The following HOPX variants were observed in gnomAD, a reference collection of about 807,000 sequenced individuals.
HOPX encodes homeodomain-only protein.
A neutral mutation model predicts 11.8 loss-of-function variants in HOPX; 5 were observed. That is an observed-to-expected ratio of 0.43 (90% confidence interval 0.22 to 0.89). HOPX has a LOEUF of 0.89. HOPX is among the 40% of genes least tolerant of loss of function. HOPX has a pLI of 0.28. For synonymous variants in HOPX, 49 were observed against 49.7 expected (o/e 0.99, Z 0.06); for missense variants, 119 against 120.0 (o/e 0.99, Z 0.04).
chr4:56,651,032 T>C (rs1717121621), intron 3 of HOPX: 1 of 430,480 alleles, frequency 2.3e-6, no homozygotes, highest in East Asian at 4.0e-5. Flanking sequence ...TTACTACAGC[T>C]GAAGAAATGG....
intron 3 of HOPX, chr4:56,650,915 G>C (rs931308602): frequency 6.9e-5 from 79 of 1,148,608 alleles, no homozygotes; most frequent in Non-Finnish European, 8.5e-5. Flanking sequence ...CGTGTGTTTA[G>C]TTAACTCTGG....
intron 1 of HOPX, among the ~76,000 whole-genome samples, chr4:56,658,152 TTG>T (rs1286384241): frequency 1.3e-5 from 2 of 152,244 alleles, no homozygotes; most frequent in Non-Finnish European, 2.9e-5. Flanking sequence ...CATGAAAATT[TTG>T]TCTTTTTCTT....
chr4:56,661,864 C>A (rs1457824929), intron 1 of HOPX, among the ~76,000 whole-genome samples: 1 of 152,096 alleles, frequency 6.6e-6, no homozygotes, highest in Non-Finnish European at 1.5e-5. Context: ...TCACCAAGAA[C>A]AATACAAATA....
chr4:56,656,053 G>C, intron 2 of HOPX, 41 bp from the exon 3 acceptor site: 1 of 1,504,532 alleles, frequency 6.6e-7, no homozygotes, highest in South Asian at 1.2e-5. Flanking sequence ...GCGAGGCGTG[G>C]AGCGGGCGGG....
At chr4:56,652,667 A>C (rs912865995) in intron 3 of HOPX, among the ~76,000 whole-genome samples, 2 of 152,122 alleles carry the variant, frequency 1.3e-5, no homozygotes, top group Non-Finnish European at 2.9e-5. Context: ...AAATTAGCTT[A>C]AAAATTAGCC....
rs570488582 is a variant in HOPX, at chr4:56,648,857, C to T, written c.199-60G>A. The T allele has an allele frequency of 8.6e-5, 115 of 1,335,504 alleles. No homozygotes were observed. In the African/African-American group the frequency reaches 1.5e-3, roughly 18 times the overall value. 82.7% of individuals were successfully genotyped at this position (1,335,504 alleles called of 1,614,324 possible). ...ATACAGAAAAACTGAAATGCCTGTT[C>T]CCTTTCTAAAAGGTAGCCTCTGTGG... On this transcript the variant is annotated intron_variant, in intron 3 of 3. Transcript: ENST00000420433.
chr4:56,648,962 A>G, intron 3 of HOPX, 165 bp from the exon 4 acceptor site: 1 of 532,958 alleles, frequency 1.9e-6, no homozygotes, highest in Non-Finnish European at 3.4e-6. Context: ...CTGCCTCAGG[A>G]CCTTTGCACA....
intron 1 of HOPX, among the ~76,000 whole-genome samples, chr4:56,675,629 C>T: frequency 6.6e-6 from 1 of 151,694 alleles, no homozygotes; most frequent in East Asian, 1.9e-4. Flanking sequence ...AAAAGGACAG[C>T]CTAACCTGCA....
At chr4:56,652,342 A>C (rs1717274901) in intron 3 of HOPX, among the ~76,000 whole-genome samples, 1 of 152,156 alleles carries the variant, frequency 6.6e-6, no homozygotes, top group Non-Finnish European at 1.5e-5. Context: ...TGGGCAGCTC[A>C]GGCTTCTTTT....
chr4:56,681,659 C>A (rs1348929513), upstream of HOPX: 2 of 1,000,028 alleles, frequency 2.0e-6, no homozygotes, highest in Admixed American at 1.2e-4. Context: ...TTACTTTGAG[C>A]GAGTTTCCAG....
At chr4:56,670,842 C>G (rs535080297) in intron 1 of HOPX, among the ~76,000 whole-genome samples, 1 of 151,996 alleles carries the variant, frequency 6.6e-6, no homozygotes, top group Admixed American at 6.6e-5. Flanking sequence ...ACTAAAAATA[C>G]AAAAATTAGC....
Position 56,666,970 on chromosome 4 carries a change from A to G in HOPX, c.-83-9071T>C, listed in dbSNP as rs547364256. ...CCTGGTGAAATTTAATAAGTTATTTAAAAGAAAATACTTAAGAAAATTCAG... is the reference window on the plus strand; with the variant it reads ...CCTGGTGAAATTTAATAAGTTATTTGAAAGAAAATACTTAAGAAAATTCAG... On this transcript the variant is annotated intron_variant, in intron 1 of 3. Coordinates refer to ENST00000420433, the MANE Select transcript of HOPX (RefSeq NM_032495.6). Among the ~76,000 whole-genome samples, 17 of 152,366 alleles carry G rather than the reference A, an allele frequency of 1.1e-4. No homozygotes were observed. The South Asian group carries it at 1.2e-3, about 11-fold the overall frequency.
In HOPX at chr4:56,648,645, C is replaced by A. The variant is rs532986728; in HGVS notation, c.*75G>T. The A allele has an allele frequency of 8.9e-6, 10 of 1,122,158 alleles. No individual in the cohort carries two copies. The East Asian group carries it at 1.9e-4, about 21-fold the overall frequency. The allele number at this position is 1,122,158 out of a possible 1,614,324, so 69.5% of individuals were successfully genotyped here. A position where few individuals can be genotyped will look rare whatever the true frequency, so the allele number is the denominator to read the frequency against. On this transcript the variant is annotated 3_prime_UTR_variant, in exon 4 of 4. Transcript: ENST00000420433. The stretch of plus-strand genomic sequence containing the variant: ...CATACAACACTATGCTGAAAAACCA[C>A]AACAGCTTGGTTAAGCGGAGGAGAG...
At chr4:56,661,767 T>G (rs1168879787) in intron 1 of HOPX, among the ~76,000 whole-genome samples, 2 of 152,222 alleles carry the variant, frequency 1.3e-5, no homozygotes, top group East Asian at 3.8e-4. Flanking sequence ...TGTAAAAATA[T>G]TTCCTGTTGC....
chr4:56,665,023 C>T (rs1382017006), intron 1 of HOPX: 3 of 152,238 alleles, frequency 2.0e-5, no homozygotes, highest in African/African-American at 7.2e-5. Flanking sequence ...ATGGCCCAAT[C>T]ATGGCTCACT....
intron 1 of HOPX, among the ~76,000 whole-genome samples, chr4:56,674,644 T>C (rs796574054): frequency 3.3e-5 from 5 of 151,806 alleles, no homozygotes; most frequent in African/African-American, 1.2e-4. Context: ...TTGTGAAAGG[T>C]CTGGCACTGT....
At position 56,672,441 on chromosome 4, in the gene HOPX, A is replaced by G. The variant is rs191465087; in HGVS notation, c.-84+8814T>C. On this transcript the variant is annotated intron_variant, in intron 1 of 3. Coordinates refer to ENST00000420433, the MANE Select transcript of HOPX (RefSeq NM_032495.6). ...GTAATCCCAGCTGCTCTGGATGCTG[A>G]GGGACAAGAATCGCTTGAACCCGAG... Among the ~76,000 whole-genome samples, 449 of 151,812 alleles carry G rather than the reference A, an allele frequency of 3.0e-3. 6 individuals are homozygous for G. Among genetic ancestry groups the G allele is most frequent in the African/African-American group, 0.01 (425 of 41,258 alleles).
chr4:56,667,233 G>T (rs1198830897), intron 1 of HOPX, among the ~76,000 whole-genome samples: 2 of 152,042 alleles, frequency 1.3e-5, no homozygotes, highest in Non-Finnish European at 2.9e-5. Context: ...AAAGCATAAG[G>T]TTCTCTTTAG....
intron 1 of HOPX, among the ~76,000 whole-genome samples, chr4:56,658,134 G>A (rs536285840): frequency 2.6e-5 from 4 of 152,196 alleles, no homozygotes; most frequent in East Asian, 3.9e-4. Context: ...TAGTTGTGCC[G>A]GCTCTTCCAT....
Sources: allele counts gnomAD v4.1 joint callset (sites outside exome capture counted in the v4.1 genomes callset), GRCh38; gene constraint gnomAD v4.1.1; transcripts MANE v1.5; gene names NCBI Gene and HGNC (gene_info 2026-07-23, HGNC 2026-07-21).